Variants in NCR2 observed in about 807,000 individuals in gnomAD.
NCR2 encodes the protein NK cell activating receptor (NKp44).
In NCR2, 35 loss-of-function variants were observed where a neutral mutation model predicts 30.7. That is an observed-to-expected ratio of 1.14 (90% CI 0.87 to 1.51). NCR2 has a LOEUF of 1.51. Among genes scored for constraint, NCR2 ranks in the 40% most tolerant of loss-of-function variants. The pLI, the probability that NCR2 is intolerant of heterozygous loss-of-function variation, is 0.00. For synonymous variants in NCR2, 146 were observed against 134.8 expected (o/e 1.08, Z -0.58); for missense variants, 316 against 328.9 (o/e 0.96, Z 0.30).
intron 2 of NCR2, among the ~76,000 whole-genome samples, chr6:41,337,203 A>G (rs762223511): frequency 2.6e-5 from 4 of 152,382 alleles, no homozygotes; most frequent in Non-Finnish European, 5.9e-5. Flanking sequence ...AAAAAAAATT[A>G]CTAGAAAAAT....
chr6:41,336,720 C>T (rs1306864063), intron 2 of NCR2, among the ~76,000 whole-genome samples: 1 of 152,082 alleles, frequency 6.6e-6, no homozygotes, highest in African/African-American at 2.4e-5. Flanking sequence ...CAGGACCACC[C>T]GGCATCTTTG....
At chr6:41,339,248 G>A (rs950767405) in intron 2 of NCR2, among the ~76,000 whole-genome samples, 2 of 152,004 alleles carry the variant, frequency 1.3e-5, no homozygotes, top group Non-Finnish European at 2.9e-5. Context: ...TTTTAGTAGA[G>A]ATGGGGTTTC....
chr6:41,341,707 G>C, intron 2 of NCR2, 87 bp from the exon 3 acceptor site: 1 of 1,484,998 alleles, frequency 6.7e-7, no homozygotes, highest in Non-Finnish European at 9.1e-7. Flanking sequence ...TTCCCAGTCT[G>C]GTCCAACTCC....
chr6:41,336,514 G>A (rs1191191609), intron 2 of NCR2, 86 bp downstream of exon 2: 1 of 1,127,922 alleles, frequency 8.9e-7, no homozygotes, highest in East Asian at 2.4e-5. Flanking sequence ...AATCGTGGAA[G>A]CCACCCATGC....
At position 41,336,479 on chromosome 6, in the gene NCR2, G is replaced by A. The variant is rs55943657; in HGVS notation, c.394+51G>A. On this transcript the variant is annotated intron_variant, in intron 2 of 4. Transcript: ENST00000373089. ...GAGGGGTGCCCCTCACCCCCTTTTG[G>A]TGCCTCCATCACCCCTGGTTTCCCA... 1,591 of 1,486,898 alleles carry A rather than the reference G, an allele frequency of 1.1e-3. 9 individuals carry two copies. The African/African-American group carries it at 0.015, about 14-fold the overall frequency. The allele number at this position is 1,486,898 out of a possible 1,614,324, so 92.1% of individuals were successfully genotyped here. A position where few individuals can be genotyped will look rare whatever the true frequency, so the allele number is the denominator to read the frequency against.
chr6:41,336,387 C>T lies in NCR2; in HGVS notation c.353C>T (p.Ser118Phe), dbSNP rs1410361217. 1 of 1,613,956 alleles carries T rather than the reference C, an allele frequency of 6.2e-7. No homozygotes were observed. Among genetic ancestry groups the T allele is most frequent in the African/African-American group, 1.3e-5 (1 of 75,010 alleles). The change falls in exon 2 of 5, where the codon TCT becomes TTT. Residue 118 changes from serine to phenylalanine, a missense_variant. Ser to Phe is a radical substitution (Grantham distance 155). Coordinates refer to ENST00000373089, the MANE Select transcript of NCR2 (RefSeq NM_004828.4). ...WCRIYRPSDN[S>F]VSKSVRFYLV... Reference sequence around the variant, plus strand: ...AGAATCTACCGCCCTTCTGACAACTCTGTCTCTAAGTCCGTCAGATTCTAT... The same window carrying T: ...AGAATCTACCGCCCTTCTGACAACTTTGTCTCTAAGTCCGTCAGATTCTAT...
At chr6:41,342,345 T>C (rs1030385181) in intron 4 of NCR2, among the ~76,000 whole-genome samples, 196 bp downstream of exon 4, 1 of 152,114 alleles carries the variant, frequency 6.6e-6, no homozygotes, top group African/African-American at 2.4e-5. Context: ...AGCTGCAAAC[T>C]TGCAGGAATC....
rs763308020 is a variant in NCR2, at chr6:41,336,210, CA to C, written c.177del (p.Ala60HisfsTer7). 1 of 1,614,176 alleles carries C rather than the reference CA, an allele frequency of 6.2e-7. No individual in the cohort carries two copies. The highest frequency in any genetic ancestry group is 8.5e-7 in the Non-Finnish European group (1 of 1,180,042). ...YEKKGWCKEA[S>X]ALVCIRLVTS... ...AAGAAAGGCTGGTGTAAGGAGGCTT[CA>C]GCACTTGTGTGCATCAGGTTAGTCA... On this transcript the variant is annotated frameshift_variant, in exon 2 of 5. Transcript: ENST00000373089. LOFTEE classifies it high-confidence loss of function.
intron 2 of NCR2, among the ~76,000 whole-genome samples, chr6:41,340,981 G>C (rs1237681419): frequency 3.3e-5 from 5 of 152,020 alleles, no homozygotes; most frequent in Admixed American, 3.3e-4. Context: ...GCCCCTCCCA[G>C]CCCTTTCCCC....
At chr6:41,347,252 C>G (rs945017511) in intron 4 of NCR2, among the ~76,000 whole-genome samples, 1 of 152,204 alleles carries the variant, frequency 6.6e-6, no homozygotes, top group African/African-American at 2.4e-5. Flanking sequence ...AGCCACCCCT[C>G]TCTCCTGCAT....
chr6:41,346,509 A>G (rs143451950), intron 4 of NCR2, among the ~76,000 whole-genome samples: 41 of 152,174 alleles, frequency 2.7e-4, no homozygotes, highest in Non-Finnish European at 5.1e-4. Flanking sequence ...ACCTCAAATC[A>G]GTCTTTGGCA....
chr6:41,344,037 C>T (rs1769243165), intron 4 of NCR2, among the ~76,000 whole-genome samples: 1 of 152,162 alleles, frequency 6.6e-6, no homozygotes, highest in South Asian at 2.1e-4. Context: ...TTTCCAAGCC[C>T]CTTCACCTCA....
Position 41,335,831 on chromosome 6 carries a change from T to G in NCR2, c.-46T>G. Reference sequence around the variant, plus strand: ...CCAGCTCCCAATTCCCTCTCCCCAGTCTTCTCCAGGTGTCCCCTCCCATGA... The same window carrying G: ...CCAGCTCCCAATTCCCTCTCCCCAGGCTTCTCCAGGTGTCCCCTCCCATGA... On this transcript the variant is annotated 5_prime_UTR_variant, in exon 1 of 5. Transcript: ENST00000373089. 6.5e-7 allele frequency: 1 copy of G among 1,545,828 alleles called. No individual in the cohort carries two copies. Among genetic ancestry groups the G allele is most frequent in the Non-Finnish European group, 8.8e-7 (1 of 1,140,678 alleles).
chr6:41,339,022 G>T (rs1769101336), intron 2 of NCR2, among the ~76,000 whole-genome samples: 1 of 152,138 alleles, frequency 6.6e-6, no homozygotes, highest in Non-Finnish European at 1.5e-5. Context: ...AGTTTGTTGT[G>T]AACTTGTGTT....
intron 4 of NCR2, among the ~76,000 whole-genome samples, chr6:41,348,037 G>A (rs1023343676): frequency 6.6e-6 from 1 of 152,180 alleles, no homozygotes; most frequent in Non-Finnish European, 1.5e-5. Context: ...ACAAACCGTT[G>A]CTTCTGCCAT....
At chr6:41,347,542 T>TG (rs1345315465) in intron 4 of NCR2, among the ~76,000 whole-genome samples, 1 of 152,232 alleles carries the variant, frequency 6.6e-6, no homozygotes, top group Non-Finnish European at 1.5e-5. Context: ...CTCCTCACCC[T>TG]GGGAAGAGGA....
intron 4 of NCR2, among the ~76,000 whole-genome samples, chr6:41,349,861 TGAG>T (rs1769387230): frequency 6.6e-6 from 1 of 152,218 alleles, no homozygotes; most frequent in Non-Finnish European, 1.5e-5. Context: ...GTCTGGAGGC[TGAG>T]AATTTTTTAA....
intron 4 of NCR2, among the ~76,000 whole-genome samples, chr6:41,348,155 C>T (rs1255578672): frequency 4.6e-5 from 7 of 152,206 alleles, no homozygotes; most frequent in Non-Finnish European, 7.3e-5. Context: ...AAAACCACCA[C>T]AGTACTTGCT....
intron 4 of NCR2, among the ~76,000 whole-genome samples, chr6:41,345,877 A>T (rs914634660): frequency 2.0e-5 from 3 of 152,178 alleles, no homozygotes; most frequent in Admixed American, 2.0e-4. Flanking sequence ...TCTCCCTGAC[A>T]TCTGCCTGTT....
Sources: gnomAD v4.1 joint callset for allele counts (sites outside exome capture counted in the v4.1 genomes callset) on GRCh38, gnomAD v4.1.1 for gene constraint, MANE v1.5 for transcripts, NCBI Gene and HGNC (gene_info 2026-07-23, HGNC 2026-07-21) for gene names.